Variants in MSI2 observed in about 807,000 individuals in gnomAD.
The protein encoded by MSI2 is RNA-binding protein Musashi homolog 2.
A neutral mutation model predicts 45.6 loss-of-function variants in MSI2; 17 were observed. The observed-to-expected ratio is 0.37, with a 90% CI of 0.26 to 0.56. MSI2 has a LOEUF of 0.56. Among genes scored for constraint, MSI2 ranks in the 20% least tolerant of loss-of-function variants. The pLI, the probability that MSI2 is intolerant of heterozygous loss-of-function variation, is 0.77. For synonymous variants in MSI2, 156 were observed against 158.2 expected (o/e 0.99, Z 0.11); for missense variants, 293 against 444.2 (o/e 0.66, Z 3.06).
At chr17:57,385,351 A>G (rs2083667523) in intron 5 of MSI2, among the ~76,000 whole-genome samples, 1 of 152,180 alleles carries the variant, frequency 6.6e-6, no homozygotes, top group African/African-American at 2.4e-5. Context: ...ACTTCTAGCA[A>G]TCCAAAAGTT....
intron 5 of MSI2, among the ~76,000 whole-genome samples, chr17:57,318,050 G>A (rs574439167): frequency 1.3e-5 from 2 of 152,322 alleles, no homozygotes; most frequent in Non-Finnish European, 2.9e-5. Flanking sequence ...TCGGGAGGCC[G>A]AGGCAGGAGA....
chr17:57,641,001 T>C (rs1293009270), intron 10 of MSI2, among the ~76,000 whole-genome samples: 1 of 148,232 alleles, frequency 6.7e-6, no homozygotes. Context: ...TATAAACTAC[T>C]GGCTGTTGAC....
intron 6 of MSI2, among the ~76,000 whole-genome samples, chr17:57,415,641 T>A (rs889744006): frequency 6.6e-6 from 1 of 152,118 alleles, no homozygotes; most frequent in Admixed American, 6.5e-5. Flanking sequence ...TGCATTCCCT[T>A]TCTGCTCCCC....
chr17:57,660,193 C>T (rs1911889870), intron 11 of MSI2, among the ~76,000 whole-genome samples: 1 of 152,114 alleles, frequency 6.6e-6, no homozygotes, highest in African/African-American at 2.4e-5. Context: ...TATTGGTTTT[C>T]CTCATGGTGG....
intron 8 of MSI2, among the ~76,000 whole-genome samples, chr17:57,615,724 A>G (rs780055815): frequency 6.6e-6 from 1 of 152,212 alleles, no homozygotes; most frequent in East Asian, 1.9e-4. Flanking sequence ...GTATATCTGC[A>G]GCTTACGTCC....
intron 8 of MSI2, among the ~76,000 whole-genome samples, chr17:57,611,019 T>C (rs1286579436): frequency 1.1e-5 from 1 of 95,168 alleles, no homozygotes; most frequent in African/African-American, 3.3e-5. Flanking sequence ...GTATAAGCAG[T>C]TGGTCATCAG....
intron 8 of MSI2, 73 bp downstream of exon 8, chr17:57,597,023 TC>T: frequency 9.0e-7 from 1 of 1,116,174 alleles, no homozygotes; most frequent in Non-Finnish European, 1.4e-6. Context: ...TGCAGACTGG[TC>T]CAGCCCATCA....
rs541344111 is a variant in MSI2, at chr17:57,458,346, C to T, written c.405+56875C>T. Among the ~76,000 whole-genome samples the T allele has an allele frequency of 2.0e-4, 30 of 152,234 alleles. No individual in the cohort carries two copies. The East Asian group carries it at 3.5e-3, about 18-fold the overall frequency. On this transcript the variant is annotated intron_variant, in intron 6 of 13. Coordinates refer to ENST00000284073, the MANE Select transcript of MSI2 (RefSeq NM_138962.4). ...CGATCTCTTGACCTCGTGATCCACCCGCCTTGGCCTCCCAAAGTGCTGGGA... is the reference window on the plus strand; with the variant it reads ...CGATCTCTTGACCTCGTGATCCACCTGCCTTGGCCTCCCAAAGTGCTGGGA...
intron 13 of MSI2, among the ~76,000 whole-genome samples, chr17:57,677,881 C>T (rs138952844): frequency 6.6e-6 from 1 of 152,288 alleles, no homozygotes; most frequent in East Asian, 1.9e-4. Context: ...GGGAAGAACA[C>T]CAGCAAGGGA....
In MSI2 at chr17:57,684,100, G is replaced by C. The variant is rs1913784636; in HGVS notation, c.*4583G>C. The C allele has an allele frequency of 4.5e-6, 1 of 222,450 alleles. No homozygotes were observed. The highest frequency in any genetic ancestry group is 9.0e-6 in the Non-Finnish European group (1 of 111,278). The allele number at this position is 222,450 out of a possible 1,614,324, so 13.8% of individuals were successfully genotyped here. Reference sequence around the variant, plus strand: ...AGGATTTCAGTTCCGGGAGGCAGGGGCATGATGGGGGAGGGGGCCGGAGGC... The same window carrying C: ...AGGATTTCAGTTCCGGGAGGCAGGGCCATGATGGGGGAGGGGGCCGGAGGC... On this transcript the variant is annotated 3_prime_UTR_variant, in exon 14 of 14. Coordinates refer to ENST00000284073, the MANE Select transcript of MSI2 (RefSeq NM_138962.4).
At chr17:57,493,058 G>C (rs951639621) in intron 6 of MSI2, among the ~76,000 whole-genome samples, 1 of 152,158 alleles carries the variant, frequency 6.6e-6, no homozygotes, top group South Asian at 2.1e-4. Context: ...GAAACCTCAG[G>C]CTCCTAGGTA....
rs114221059 is a variant in MSI2, at chr17:57,430,194, G to A, written c.405+28723G>A. Among the ~76,000 whole-genome samples, 1,382 of 152,290 alleles carry A rather than the reference G, an allele frequency of 9.1e-3. 22 individuals carry two copies. The highest frequency in any genetic ancestry group is 0.031 in the African/African-American group (1,273 of 41,558). On this transcript the variant is annotated intron_variant, in intron 6 of 13. Transcript: ENST00000284073. ...ATTCATTGGAAATTCTGTAGCCACC[G>A]AAGAAAACTCACCTCAAAGTGAAGT...
intron 5 of MSI2, among the ~76,000 whole-genome samples, chr17:57,367,477 G>A (rs1434023977): frequency 6.6e-6 from 1 of 152,178 alleles, no homozygotes; most frequent in Non-Finnish European, 1.5e-5. Context: ...CTTGGCTGAG[G>A]ATTCAGGAAG....
chr17:57,627,238 A>G lies in MSI2; in HGVS notation c.662A>G (p.Asn221Ser), dbSNP rs1908892334. 6.2e-7 allele frequency: 1 copy of G among 1,614,036 alleles called. No homozygotes were observed. The highest frequency in any genetic ancestry group is 1.7e-5 in the Admixed American group (1 of 59,996). ...MLGMGMLGYPNFVATYGRGYP... is the reference protein window; with the variant it reads ...MLGMGMLGYPSFVATYGRGYP... The stretch of plus-strand genomic sequence containing the variant: ...TCTCTTTGTGTTCAAGGATATCCCA[A>G]CTTCGTGGCGACCTATGGCCGTGGC... Residue 221 changes from asparagine to serine, a missense_variant, in exon 10 of 14, where the codon AAC (asparagine) becomes AGC (serine). Asn to Ser is a conservative substitution (Grantham distance 46). Transcript: ENST00000284073. The surrounding 1 kb of genome is among the most constrained non-coding windows in gnomAD (Gnocchi z 4.6).
intron 7 of MSI2, among the ~76,000 whole-genome samples, chr17:57,567,049 T>C (rs1328101164): frequency 1.3e-5 from 2 of 152,202 alleles, no homozygotes; most frequent in Non-Finnish European, 2.9e-5. Context: ...CTTGGGAGGT[T>C]TGGGGGACAA....
intron 6 of MSI2, 89 bp downstream of exon 6, chr17:57,401,560 A>G: frequency 1.0e-6 from 1 of 963,636 alleles, no homozygotes; most frequent in South Asian, 1.4e-5. Context: ...CCCCTGCTAC[A>G]GCTGTGTCCT....
the MSI2 span, among the ~76,000 whole-genome samples, chr17:57,693,592 C>T: frequency 6.6e-6 from 1 of 152,214 alleles, no homozygotes; most frequent in African/African-American, 2.4e-5. Flanking sequence ...TACTAAAACT[C>T]TACATCTATT....
rs138964085 is a variant in MSI2 at position 57,423,847 on chromosome 17, G to A, written c.405+22376G>A. On this transcript the variant is annotated intron_variant, in intron 6 of 13. Coordinates refer to ENST00000284073, the MANE Select transcript of MSI2 (RefSeq NM_138962.4). The stretch of plus-strand genomic sequence containing the variant: ...CCAAAATGCCACAAAGACATGTGGC[G>A]CAGCTTTTTCCAGTTTTTCTCTTGC... Among the ~76,000 whole-genome samples, 98 of 152,148 alleles carry A rather than the reference G, an allele frequency of 6.4e-4. 1 individual carries two copies. The highest frequency in any genetic ancestry group is 3.1e-4 in the Non-Finnish European group (21 of 68,022).
chr17:57,556,739 G>GAGC (rs2087444833), intron 7 of MSI2, among the ~76,000 whole-genome samples: 1 of 152,212 alleles, frequency 6.6e-6, no homozygotes, highest in Non-Finnish European at 1.5e-5. Flanking sequence ...CTGATGTTCA[G>GAGC]AGCTTTTTGT....
Sources: allele counts gnomAD v4.1 joint callset (sites outside exome capture counted in the v4.1 genomes callset), GRCh38; gene constraint gnomAD v4.1.1; non-coding constraint Gnocchi (gnomAD v3.1); transcripts MANE v1.5; gene names NCBI Gene and HGNC (gene_info 2026-07-23, HGNC 2026-07-21).